Variants in KCNQ5 observed in about 807,000 individuals in gnomAD.
The protein encoded by KCNQ5 is potassium voltage-gated channel subfamily Q member 5.
KCNQ5 carries 30 observed loss-of-function variants against 98.2 expected under a neutral mutation model. That is an observed-to-expected ratio of 0.31 (90% CI 0.23 to 0.41). KCNQ5 has a LOEUF of 0.41. KCNQ5 is among the 10% of genes least tolerant of loss of function. KCNQ5 has a pLI of 1.00. For synonymous variants in KCNQ5, 458 were observed against 449.4 expected, an observed-to-expected ratio of 1.02 and a Z score of -0.24; for missense variants, 835 against 1,182.5, an observed-to-expected ratio of 0.71 and a Z score of 4.31.
At chr6:73,020,245 T>C (rs887730163) in intron 2 of KCNQ5, among the ~76,000 whole-genome samples, 29 of 152,186 alleles carry the variant, frequency 1.9e-4, no homozygotes, top group African/African-American at 6.8e-4. Flanking sequence ...ATTTGCTTTC[T>C]TACCTATGCT....
At chr6:72,978,591 T>C (rs1030568448) in intron 1 of KCNQ5, among the ~76,000 whole-genome samples, 13 of 152,200 alleles carry the variant, frequency 8.5e-5, no homozygotes, top group Admixed American at 7.9e-4. Flanking sequence ...AAGCCTCTTC[T>C]CAAGGCAGTT....
intron 10 of KCNQ5, among the ~76,000 whole-genome samples, chr6:73,149,479 G>C (rs1777056699): frequency 6.6e-6 from 1 of 152,122 alleles, no homozygotes; most frequent in African/African-American, 2.4e-5. Context: ...TCTTAGGCTT[G>C]ACAACAAAGG....
At chr6:73,110,178 T>C (rs571747208) in intron 6 of KCNQ5, among the ~76,000 whole-genome samples, 1 of 152,204 alleles carries the variant, frequency 6.6e-6, no homozygotes, top group South Asian at 2.1e-4. Context: ...GCTTATAAAA[T>C]GTCCATCTCT....
At chr6:72,667,031 C>T (rs1565068560) in intron 1 of KCNQ5, among the ~76,000 whole-genome samples, 1 of 151,908 alleles carries the variant, frequency 6.6e-6, no homozygotes, top group Non-Finnish European at 1.5e-5. Context: ...ATAACTTTAG[C>T]AAATATTCAT....
chr6:72,696,180 G>A (rs1227647345), intron 1 of KCNQ5, among the ~76,000 whole-genome samples: 1 of 152,148 alleles, frequency 6.6e-6, no homozygotes, highest in Non-Finnish European at 1.5e-5. Context: ...GTTGTTCGCA[G>A]CAATGGTTTT....
chr6:72,826,553 T>C (rs1776002862), intron 1 of KCNQ5, among the ~76,000 whole-genome samples: 1 of 151,726 alleles, frequency 6.6e-6, no homozygotes, highest in Non-Finnish European at 1.5e-5. Flanking sequence ...TGCTATAATC[T>C]TCTTTTTTTT....
intron 10 of KCNQ5, among the ~76,000 whole-genome samples, chr6:73,149,825 AGG>A (rs1491505697): frequency 8.2e-5 from 12 of 145,790 alleles, no homozygotes; most frequent in East Asian, 8.0e-4. Flanking sequence ...AGAGAGAGAG[AGG>A]GAGGGAGGAA....
At chr6:72,623,263 C>T (rs2098916389) in intron 1 of KCNQ5, among the ~76,000 whole-genome samples, 1 of 152,014 alleles carries the variant, frequency 6.6e-6, no homozygotes, top group South Asian at 2.1e-4. Context: ...CTGCAGGGGG[C>T]GGGGAGGCAG....
chr6:72,945,674 C>T (rs1295840358), intron 1 of KCNQ5, among the ~76,000 whole-genome samples: 1 of 151,932 alleles, frequency 6.6e-6, no homozygotes, highest in Non-Finnish European at 1.5e-5. Context: ...AGGCTGGTCT[C>T]GAACTTCTGG....
In KCNQ5 at chr6:73,129,721, A is replaced by G. The variant is rs558682495; in HGVS notation, c.1248-3700A>G. On this transcript the variant is annotated intron_variant, in intron 9 of 13. Transcript: ENST00000370398. The stretch of plus-strand genomic sequence containing the variant: ...TAAAGCCAAATGGCTTTGTTTTTAT[A>G]AAAGAATCCCTGAGCACTTTCCTAT... The G allele has an allele frequency of 2.9e-4, 377 of 1,322,546 alleles. 5 individuals carry two copies. In the East Asian group the frequency reaches 8.9e-3, roughly 31 times the overall value. 81.9% of individuals were successfully genotyped at this position (1,322,546 alleles called of 1,614,324 possible).
At chr6:72,702,322 C>T (rs1768854177) in intron 1 of KCNQ5, among the ~76,000 whole-genome samples, 1 of 152,064 alleles carries the variant, frequency 6.6e-6, no homozygotes, top group Non-Finnish European at 1.5e-5. Flanking sequence ...GCTGAGATAA[C>T]AGTAGGAACC....
Position 72,857,341 on chromosome 6 carries a change from T to A in KCNQ5, c.399-146567T>A, listed in dbSNP as rs554081104. Among the ~76,000 whole-genome samples the A allele has an allele frequency of 2.1e-4, 32 of 152,330 alleles. No homozygotes were observed. In the East Asian group the frequency reaches 4.4e-3, roughly 21 times the overall value. On this transcript the variant is annotated intron_variant, in intron 1 of 13. Transcript: ENST00000370398. ...AATTTTTAATGTTTATATTAAAAAA[T>A]TTTAAAGGACACAGATCAATCATAA...
At chr6:72,916,308 A>G (rs1780133416) in intron 1 of KCNQ5, among the ~76,000 whole-genome samples, 1 of 152,228 alleles carries the variant, frequency 6.6e-6, no homozygotes. Context: ...ACATGGTCAT[A>G]ACCCAGTAAC....
At chr6:72,668,214 G>T (rs1766924685) in intron 1 of KCNQ5, among the ~76,000 whole-genome samples, 1 of 152,028 alleles carries the variant, frequency 6.6e-6, no homozygotes, top group Admixed American at 6.6e-5. Flanking sequence ...TTCTTAATAA[G>T]TTCAAAATTT....
intron 1 of KCNQ5, among the ~76,000 whole-genome samples, chr6:72,817,830 G>A (rs1775570327): frequency 6.6e-6 from 1 of 152,066 alleles, no homozygotes; most frequent in African/African-American, 2.4e-5. Context: ...GGAAGCAGAG[G>A]TTGCAGTGAG....
chr6:73,135,714 G>C (rs1230949682), intron 10 of KCNQ5: 2 of 152,176 alleles, frequency 1.3e-5, no homozygotes, highest in Non-Finnish European at 2.9e-5. Flanking sequence ...GTATTAGTTT[G>C]CTCAAGCTGC....
At chr6:73,039,901 G>A (rs1159752127) in intron 2 of KCNQ5, among the ~76,000 whole-genome samples, 10 of 152,090 alleles carry the variant, frequency 6.6e-5, no homozygotes, top group Admixed American at 6.6e-4. Context: ...ATAGTTCTGA[G>A]CAAGGATAAG....
chr6:72,996,464 G>A (rs751705115), intron 1 of KCNQ5, among the ~76,000 whole-genome samples: 5 of 152,126 alleles, frequency 3.3e-5, no homozygotes, highest in African/African-American at 7.2e-5. Context: ...CTTAAAATAC[G>A]GTAAGCTGGT....
intron 1 of KCNQ5, among the ~76,000 whole-genome samples, chr6:72,687,992 C>T (rs141109213): frequency 6.6e-6 from 1 of 152,012 alleles, no homozygotes; most frequent in Non-Finnish European, 1.5e-5. Context: ...GTGCGCATCA[C>T]CATGCCCAGC....
Sources: allele counts gnomAD v4.1 joint callset (sites outside exome capture counted in the v4.1 genomes callset), GRCh38; gene constraint gnomAD v4.1.1; transcripts MANE v1.5; gene names NCBI Gene and HGNC (gene_info 2026-07-23, HGNC 2026-07-21).